CYTH1: variants seen among roughly 807,000 people sequenced by gnomAD.
CYTH1 encodes cytohesin 1, also known as cytohesin-1.
A neutral mutation model predicts 61.8 loss-of-function variants in CYTH1; 18 were observed. The observed-to-expected ratio is 0.29, with a 90% CI of 0.20 to 0.43. The LOEUF (loss-of-function observed/expected upper bound fraction) is 0.43. Among genes scored for constraint, CYTH1 ranks in the 20% least tolerant of loss-of-function variants. The pLI, the probability that CYTH1 is intolerant of heterozygous loss-of-function variation, is 1.00. For synonymous variants in CYTH1, 174 were observed against 184.3 expected (o/e 0.94, Z 0.45); for missense variants, 336 against 510.5 (o/e 0.66, Z 3.29).
intron 1 of CYTH1, among the ~76,000 whole-genome samples, chr17:78,741,071 A>G (rs1055106617): frequency 5.9e-5 from 9 of 152,212 alleles, no homozygotes; most frequent in Admixed American, 2.6e-4. Context: ...AGAAGAAAAC[A>G]CTCGTTCGTC....
intron 11 of CYTH1, among the ~76,000 whole-genome samples, chr17:78,690,673 T>C (rs1292341304): frequency 6.6e-6 from 1 of 151,974 alleles, no homozygotes; most frequent in Non-Finnish European, 1.5e-5. Flanking sequence ...CACTCCAGCC[T>C]GGGAGACAGA....
At chr17:78,679,992 C>T (rs1463467650) in intron 13 of CYTH1, among the ~76,000 whole-genome samples, 198 bp downstream of exon 13, 9 of 152,208 alleles carry the variant, frequency 5.9e-5, no homozygotes, top group Admixed American at 5.9e-4. Flanking sequence ...ATGGGACGTG[C>T]TCTCTTACAT....
At chr17:78,699,312 C>G (rs1168406456) in intron 7 of CYTH1, among the ~76,000 whole-genome samples, 1 of 151,222 alleles carries the variant, frequency 6.6e-6, no homozygotes, top group African/African-American at 2.4e-5. Flanking sequence ...TGCAGTGAGC[C>G]GAGATAGCGC....
intron 4 of CYTH1, 124 bp from the exon 5 acceptor site, chr17:78,702,364 A>C: frequency 2.0e-6 from 2 of 1,001,376 alleles, no homozygotes; most frequent in South Asian, 3.0e-5. Flanking sequence ...TTGCTAAGTG[A>C]CCTATAAAGC....
chr17:78,705,838 G>T (rs889132250), intron 3 of CYTH1, among the ~76,000 whole-genome samples: 21 of 152,204 alleles, frequency 1.4e-4, no homozygotes, highest in African/African-American at 5.1e-4. Flanking sequence ...AAATTCACTG[G>T]CTGAGTACTT....
chr17:78,681,124 G>T, intron 11 of CYTH1, 82 bp from the exon 12 acceptor site: 2 of 1,369,942 alleles, frequency 1.5e-6, no homozygotes, highest in Non-Finnish European at 2.1e-6. Context: ...TGACTCAGCC[G>T]AACTTTCCTG....
chr17:78,734,431 GCTT>G (rs1345796991), intron 1 of CYTH1, among the ~76,000 whole-genome samples: 398 of 91,276 alleles, frequency 4.4e-3, no homozygotes, highest in Middle Eastern at 0.017. Flanking sequence ...GTAAAAAAAA[GCTT>G]TTTTTTTTTT....
At chr17:78,732,787 G>T (rs984326996) in intron 1 of CYTH1, among the ~76,000 whole-genome samples, 1 of 151,962 alleles carries the variant, frequency 6.6e-6, no homozygotes, top group Non-Finnish European at 1.5e-5. Context: ...CACATGGCAC[G>T]CATTAAAACA....
intron 6 of CYTH1, among the ~76,000 whole-genome samples, chr17:78,701,210 T>C (rs892531111): frequency 1.3e-5 from 2 of 152,280 alleles, no homozygotes; most frequent in Non-Finnish European, 1.5e-5. Flanking sequence ...AGCTAAATGA[T>C]AGCACAAAAG....
At chr17:78,719,779 T>C (rs1435364989) in intron 1 of CYTH1, among the ~76,000 whole-genome samples, 2 of 152,174 alleles carry the variant, frequency 1.3e-5, no homozygotes, top group Non-Finnish European at 2.9e-5. Context: ...CAAAGGGGTG[T>C]GACTAGAGCA....
In CYTH1 at chr17:78,681,144, A is replaced by G; in HGVS notation, c.892-102T>C. On this transcript the variant is annotated intron_variant, in intron 11 of 13. Coordinates refer to ENST00000446868, the MANE Select transcript of CYTH1 (RefSeq NM_004762.6). ...CAGCCGAACTTTCCTGCTTTCTCCC[A>G]GGACATGAAGTTCATAAATCAGCCT... 2.6e-6 allele frequency: 3 copies of G among 1,152,782 alleles called. No homozygotes were observed. The South Asian group carries it at 4.0e-5, about 15-fold the overall frequency. 71.4% of individuals were successfully genotyped at this position (1,152,782 alleles called of 1,614,324 possible). A position where few individuals can be genotyped will look rare whatever the true frequency, so the allele number is the denominator to read the frequency against.
chr17:78,727,714 C>T (rs956966492), intron 1 of CYTH1: 4 of 471,052 alleles, frequency 8.5e-6, no homozygotes, highest in African/African-American at 8.0e-5. Context: ...CGAGTGCATC[C>T]TTCTGGTGCC....
At chr17:78,685,703 C>T (rs1475135382) in intron 11 of CYTH1, among the ~76,000 whole-genome samples, 1 of 152,104 alleles carries the variant, frequency 6.6e-6, no homozygotes, top group Non-Finnish European at 1.5e-5. Context: ...CTCTTACGTG[C>T]TGGATGTTAC....
intron 13 of CYTH1, chr17:78,678,084 C>CGAGGCT (rs2092719817): frequency 6.6e-6 from 1 of 152,316 alleles, no homozygotes; most frequent in African/African-American, 2.4e-5. Flanking sequence ...CTGCAGATCC[C>CGAGGCT]GAGGCTGAGG....
intron 10 of CYTH1, among the ~76,000 whole-genome samples, chr17:78,695,008 T>A (rs2092924634): frequency 6.6e-6 from 1 of 151,934 alleles, no homozygotes; most frequent in African/African-American, 2.4e-5. Context: ...TCCTGTGACC[T>A]CCCCGAGACA....
intron 1 of CYTH1, among the ~76,000 whole-genome samples, chr17:78,715,569 G>A (rs1019605075): frequency 2.0e-5 from 3 of 152,182 alleles, no homozygotes; most frequent in Non-Finnish European, 2.9e-5. Context: ...AGAGAATGAA[G>A]GAGAAAGCAG....
At chr17:78,740,853 C>T (rs923603499) in intron 1 of CYTH1, among the ~76,000 whole-genome samples, 4 of 152,140 alleles carry the variant, frequency 2.6e-5, no homozygotes, top group African/African-American at 7.2e-5. Context: ...TAACATCAAT[C>T]CCAAACAGAG....
At position 78,681,091 on chromosome 17, in the gene CYTH1, C is replaced by T. The variant is rs754086610; in HGVS notation, c.892-49G>A. ...AGTTTAAGATCACAGTTTAAGGACA[C>T]ACACTGTCAGATTCCTCGCCGGTGA... On this transcript the variant is annotated intron_variant, in intron 11 of 13. Transcript: ENST00000446868. 2.5e-6 allele frequency: 4 copies of T among 1,579,348 alleles called. No individual in the cohort carries two copies. The African/African-American group carries it at 4.1e-5, about 16-fold the overall frequency.
At chr17:78,699,262 G>A (rs2092981860) in intron 7 of CYTH1, among the ~76,000 whole-genome samples, 1 of 152,034 alleles carries the variant, frequency 6.6e-6, no homozygotes, top group African/African-American at 2.4e-5. Context: ...AACTTGGGAG[G>A]CCGAGGCAGG....
Sources: allele counts gnomAD v4.1 joint callset (sites outside exome capture counted in the v4.1 genomes callset), GRCh38; gene constraint gnomAD v4.1.1; transcripts MANE v1.5; gene names NCBI Gene and HGNC (gene_info 2026-07-23, HGNC 2026-07-21).